The following ATP8A2 variants were observed in gnomAD, a reference collection of about 807,000 sequenced individuals.
ATP8A2 encodes ATPase phospholipid transporting 8A2, also known as phospholipid-transporting ATPase IB.
Under a neutral mutation model 165.6 loss-of-function variants are expected in ATP8A2, and 100 were observed. The observed-to-expected ratio is 0.60, with a 90% CI of 0.51 to 0.71. The LOEUF is 0.71. ATP8A2 is among the 30% of genes least tolerant of loss of function. The pLI, the probability that ATP8A2 is intolerant of heterozygous loss-of-function variation, is 0.00. For synonymous variants in ATP8A2, 543 were observed against 548.8 expected, an observed-to-expected ratio of 0.99 and a Z score of 0.15; for missense variants, 1,227 against 1,479.5, an observed-to-expected ratio of 0.83 and a Z score of 2.80.
intron 2 of ATP8A2, among the ~76,000 whole-genome samples, chr13:25,503,638 T>C (rs1005182686): frequency 2.6e-5 from 4 of 152,214 alleles, no homozygotes; most frequent in African/African-American, 9.6e-5. Flanking sequence ...TTAAACACTC[T>C]GTATATTTTC....
At chr13:25,932,600 G>A (rs958182481) in intron 33 of ATP8A2, among the ~76,000 whole-genome samples, 4 of 152,092 alleles carry the variant, frequency 2.6e-5, no homozygotes, top group African/African-American at 9.7e-5. Context: ...AAACTGCAGG[G>A]GAGCCAAAGT....
intron 1 of ATP8A2, among the ~76,000 whole-genome samples, chr13:25,445,304 G>A (rs954427557): frequency 6.6e-6 from 1 of 152,170 alleles, no homozygotes; most frequent in African/African-American, 2.4e-5. Flanking sequence ...TTATTTGAAA[G>A]AATAAAAGCA....
intron 30 of ATP8A2, among the ~76,000 whole-genome samples, chr13:25,851,070 G>C (rs1042910983): frequency 6.6e-6 from 1 of 152,148 alleles, no homozygotes; most frequent in African/African-American, 2.4e-5. Context: ...CTCCTCCAAG[G>C]GAATAAACTA....
In ATP8A2 at chr13:25,612,912, C is replaced by T. The variant is rs116614190; in HGVS notation, c.2211+23213C>T. ...TGTTCCTCTTTGTCTTTTTACACTGCGATTGCTTTAAAGTTTGTTTGGTCT... is the reference window on the plus strand; with the variant it reads ...TGTTCCTCTTTGTCTTTTTACACTGTGATTGCTTTAAAGTTTGTTTGGTCT... On this transcript the variant is annotated intron_variant, in intron 24 of 36. Transcript: ENST00000381655. Among the ~76,000 whole-genome samples, 806 of 152,184 alleles carry T rather than the reference C, an allele frequency of 5.3e-3. 9 individuals are homozygous for T. Among genetic ancestry groups the T allele is most frequent in the South Asian group, 0.021 (99 of 4,822 alleles).
At chr13:25,774,793 T>C in intron 26 of ATP8A2, 56 bp from the exon 27 acceptor site, 2 of 1,013,634 alleles carry the variant, frequency 2.0e-6, no homozygotes. Flanking sequence ...ATTCTGTTTG[T>C]GACTTTTATT....
At chr13:26,000,700 CAAAAAAA>C (rs5802358) in intron 35 of ATP8A2, among the ~76,000 whole-genome samples, 2 of 110,190 alleles carry the variant, frequency 1.8e-5, no homozygotes, top group Admixed American at 9.7e-5. Context: ...AGTACAGAGC[CAAAAAAA>C]AAAAAAAAAA....
chr13:25,429,627 G>A (rs546296181), intron 1 of ATP8A2, among the ~76,000 whole-genome samples: 10 of 152,260 alleles, frequency 6.6e-5, no homozygotes, highest in African/African-American at 1.2e-4. Flanking sequence ...TGGGAAACCC[G>A]GTGGTTCCGC....
chr13:25,504,057 G>A (rs2036944133), intron 2 of ATP8A2, among the ~76,000 whole-genome samples: 1 of 152,234 alleles, frequency 6.6e-6, no homozygotes, highest in Admixed American at 6.5e-5. Context: ...GGTATGCAAT[G>A]CACTGGAGAG....
Position 25,426,412 on chromosome 13 carries a change from C to T in ATP8A2, c.77-42565C>T, listed in dbSNP as rs144714230. 5.9e-3 allele frequency among the ~76,000 whole-genome samples: 898 copies of T among 152,248 alleles called. 4 individuals are homozygous for T. The highest frequency in any genetic ancestry group is 0.013 in the African/African-American group (553 of 41,534). ...GGGCAGCACCAAGCTTTGAGGGAGC[C>T]GCACCCCTAGACCCAAATACTTCCC... On this transcript the variant is annotated intron_variant, in intron 1 of 36. Transcript: ENST00000381655.
At chr13:25,674,265 T>TCTCCCC (rs1555245499) in intron 24 of ATP8A2, among the ~76,000 whole-genome samples, 1 of 151,192 alleles carries the variant, frequency 6.6e-6, no homozygotes, top group Admixed American at 6.6e-5. Context: ...TCCAGATGTG[T>TCTCCCC]CCCCCCCCGA....
chr13:25,821,469 A>G (rs1720841756), intron 27 of ATP8A2, among the ~76,000 whole-genome samples: 1 of 152,226 alleles, frequency 6.6e-6, no homozygotes, highest in African/African-American at 2.4e-5. Flanking sequence ...TTGTGAAGGT[A>G]GCAGATTCAT....
chr13:25,387,811 C>A (rs964578582), intron 1 of ATP8A2, among the ~76,000 whole-genome samples: 1 of 152,120 alleles, frequency 6.6e-6, no homozygotes, highest in Non-Finnish European at 1.5e-5. Flanking sequence ...TGCCTGTAAT[C>A]CCAGCACTTT....
intron 36 of ATP8A2, among the ~76,000 whole-genome samples, chr13:26,017,994 G>C: frequency 6.6e-6 from 1 of 152,198 alleles, no homozygotes; most frequent in Admixed American, 6.5e-5. Context: ...ATTCCTCTCT[G>C]TTCTGTTCTC....
At chr13:25,700,056 A>G (rs145958923) in intron 25 of ATP8A2, among the ~76,000 whole-genome samples, 177 of 152,298 alleles carry the variant, frequency 1.2e-3, no homozygotes, top group South Asian at 6.8e-3. Context: ...TTTTATGCCT[A>G]TGGTCACAGG....
At chr13:25,977,888 G>A (rs768066664) in intron 35 of ATP8A2, among the ~76,000 whole-genome samples, 3 of 152,190 alleles carry the variant, frequency 2.0e-5, no homozygotes, top group African/African-American at 7.2e-5. Context: ...TAAGTGTGGA[G>A]AGACCATCAG....
intron 35 of ATP8A2, among the ~76,000 whole-genome samples, chr13:26,002,953 A>T (rs1593699948): frequency 2.0e-5 from 3 of 149,776 alleles, no homozygotes; most frequent in East Asian, 4.0e-4. Flanking sequence ...TTGATTTCCT[A>T]TCATGGCTAT....
Position 25,668,096 on chromosome 13 carries a change from G to A in ATP8A2, c.2212-31077G>A, listed in dbSNP as rs2042191219. ...TACAACCCCAAAATACGTAAATAAT[G>A]AATTTTATGTTTACCTATGGTTACC... On this transcript the variant is annotated intron_variant, in intron 24 of 36. Coordinates refer to ENST00000381655, the MANE Select transcript of ATP8A2 (RefSeq NM_016529.6). Among the ~76,000 whole-genome samples, 4 of 152,098 alleles carry A rather than the reference G, an allele frequency of 2.6e-5. No homozygotes were observed. The South Asian group carries it at 8.3e-4, about 32-fold the overall frequency.
intron 36 of ATP8A2, among the ~76,000 whole-genome samples, chr13:26,016,894 G>A (rs567738808): frequency 4.4e-4 from 67 of 152,236 alleles, no homozygotes; most frequent in African/African-American, 1.5e-3. Context: ...GCCTTGCCTG[G>A]TCCAGGCCAT....
At chr13:25,832,266 A>G (rs1349646612) in intron 28 of ATP8A2, among the ~76,000 whole-genome samples, 1 of 152,122 alleles carries the variant, frequency 6.6e-6, no homozygotes, top group East Asian at 1.9e-4. Context: ...GAATGAGACT[A>G]AAAATACCAC....
Sources: allele counts gnomAD v4.1 joint callset (sites outside exome capture counted in the v4.1 genomes callset), GRCh38; gene constraint gnomAD v4.1.1; transcripts MANE v1.5; gene names NCBI Gene and HGNC (gene_info 2026-07-23, HGNC 2026-07-21).